The following PIGF variants were observed in gnomAD, a reference collection of about 807,000 sequenced individuals.
PIGF encodes the protein phosphatidylinositol glycan anchor biosynthesis class F, also known as GPI ethanolamine phosphate transferase, stabilizing subunit.
PIGF carries 23 observed loss-of-function variants against 26.0 expected under a neutral mutation model. That is an observed-to-expected ratio of 0.88 (90% CI 0.64 to 1.25). PIGF has a LOEUF of 1.25. Among genes scored for constraint, PIGF ranks in the 50% most tolerant of loss-of-function variants. The probability of loss-of-function intolerance (pLI) is 0.00; values close to 1 mark genes in which losing one functional copy is unlikely to be tolerated. For synonymous variants in PIGF, 93 were observed against 92.6 expected (o/e 1.00, Z -0.03); for missense variants, 278 against 249.9 (o/e 1.11, Z -0.76).
At chr2:46,592,360 T>C in intron 5 of PIGF, 115 bp downstream of exon 5, 1 of 647,048 alleles carries the variant, frequency 1.5e-6, no homozygotes, top group South Asian at 1.8e-5. Flanking sequence ...ATAGAAGTGG[T>C]ATCCCTACTT....
chr2:46,581,323 C>T lies in PIGF; in HGVS notation c.*155G>A. On this transcript the variant is annotated 3_prime_UTR_variant, in exon 6 of 6. Coordinates refer to ENST00000281382, the MANE Select transcript of PIGF (RefSeq NM_002643.4). The stretch of plus-strand genomic sequence containing the variant: ...CTTTATTTCAACTAGAAGGTACAAT[C>T]TCTCAGGGGTTTCATAGTTTAAAAA... 1 of 1,157,684 alleles carries T rather than the reference C, an allele frequency of 8.6e-7. No homozygotes were observed. Among genetic ancestry groups the T allele is most frequent in the Non-Finnish European group, 1.2e-6 (1 of 833,588 alleles). The allele number at this position is 1,157,684 out of a possible 1,614,324, so 71.7% of individuals were successfully genotyped here.
At chr2:46,596,899 A>C (rs934950175) in intron 4 of PIGF, among the ~76,000 whole-genome samples, 3 of 152,228 alleles carry the variant, frequency 2.0e-5, no homozygotes, top group Non-Finnish European at 4.4e-5. Flanking sequence ...CACACAGTAA[A>C]CCACAATTAT....
At chr2:46,594,155 A>C (rs1405281879) in intron 4 of PIGF, among the ~76,000 whole-genome samples, 5 of 152,230 alleles carry the variant, frequency 3.3e-5, no homozygotes, top group African/African-American at 1.2e-4. Flanking sequence ...GGCCAAGTTC[A>C]ATGTAAAGGG....
chr2:46,582,131 C>T (rs1432731345), intron 5 of PIGF: 1 of 153,744 alleles, frequency 6.5e-6, no homozygotes, highest in African/African-American at 2.4e-5. Context: ...TATAGAGCGA[C>T]AACTTATATA....
chr2:46,597,903 C>T (rs1208447535), intron 4 of PIGF, among the ~76,000 whole-genome samples: 1 of 152,134 alleles, frequency 6.6e-6, no homozygotes, highest in Non-Finnish European at 1.5e-5. Context: ...TTTTCATCCA[C>T]TATGCTGAAA....
At position 46,588,241 on chromosome 2, in the gene PIGF, A is replaced by G. The variant is rs1669636904; in HGVS notation, c.546+4234T>C. The G allele has an allele frequency of 6.3e-7, 1 of 1,592,542 alleles. No homozygotes were observed. The highest frequency in any genetic ancestry group is 1.4e-5 in the African/African-American group (1 of 73,856). On this transcript the variant is annotated intron_variant, in intron 5 of 5. Transcript: ENST00000281382. This position sits in a 1 kb window ranked among gnomAD's most constrained non-coding sequence, Gnocchi z 4.1. ...CCAAATACCCTAAATTGGCATAACT[A>G]AATACCAGAGAAATAGATAAATTAA...
At chr2:46,608,313 A>T (rs1670288223) in intron 4 of PIGF, among the ~76,000 whole-genome samples, 1 of 152,156 alleles carries the variant, frequency 6.6e-6, no homozygotes, top group Non-Finnish European at 1.5e-5. Context: ...TTTTATCATA[A>T]TGTTGCAGCA....
At chr2:46,610,709 T>C (rs1670384635) in intron 4 of PIGF, among the ~76,000 whole-genome samples, 1 of 152,024 alleles carries the variant, frequency 6.6e-6, no homozygotes, top group Non-Finnish European at 1.5e-5. Context: ...TTTGTATTTT[T>C]AGTAGAGATG....
chr2:46,585,289 G>A (rs1305249818), intron 5 of PIGF, among the ~76,000 whole-genome samples: 1 of 152,012 alleles, frequency 6.6e-6, no homozygotes, highest in Non-Finnish European at 1.5e-5. Context: ...GCCAGCCTGG[G>A]CAAGATAGTG....
intron 5 of PIGF, 96 bp downstream of exon 5, chr2:46,592,379 A>G (rs927027343): frequency 5.7e-6 from 4 of 702,760 alleles, no homozygotes; most frequent in Non-Finnish European, 1.0e-5. Context: ...TTAATTGAAC[A>G]ACAAAACAAT....
At chr2:46,610,699 T>C (rs1377681879) in intron 4 of PIGF, among the ~76,000 whole-genome samples, 1 of 151,930 alleles carries the variant, frequency 6.6e-6, no homozygotes, top group Non-Finnish European at 1.5e-5. Context: ...CCAGCTAATT[T>C]TTGTATTTTT....
Position 46,592,481 on chromosome 2 carries a change from TG to T in PIGF, c.539del (p.Pro180HisfsTer54). On this transcript the variant is annotated frameshift_variant, in exon 5 of 6. Coordinates refer to ENST00000281382, the MANE Select transcript of PIGF (RefSeq NM_002643.4). LOFTEE classifies it high-confidence loss of function. The part of the protein sequence containing the change: ...ALPIPLDWER[P>X]WQVWPISCTL... ...TTAAGTAACTGAAACCAACCTGCCA[TG>T]GTCTTTCCCAATCCAGTGGAATAGG... 1 of 1,567,696 alleles carries T rather than the reference TG, an allele frequency of 6.4e-7. No individual in the cohort carries two copies.
At chr2:46,602,328 T>C (rs547411330) in intron 4 of PIGF, among the ~76,000 whole-genome samples, 2 of 152,066 alleles carry the variant, frequency 1.3e-5, no homozygotes, top group African/African-American at 4.8e-5. Context: ...TCCTATACAG[T>C]TCACAAGCTC....
intron 2 of PIGF, 183 bp from the exon 3 acceptor site, chr2:46,613,968 A>T (rs1186350520): frequency 3.9e-6 from 2 of 516,574 alleles, no homozygotes; most frequent in African/African-American, 4.0e-5. Context: ...ATACAGACTA[A>T]AAAAGCCTAA....
chr2:46,585,317 T>C (rs1669535267), intron 5 of PIGF, among the ~76,000 whole-genome samples: 1 of 152,240 alleles, frequency 6.6e-6, no homozygotes, highest in Non-Finnish European at 1.5e-5. Context: ...TTTATAAATT[T>C]ACATTTTTTT....
intron 5 of PIGF, chr2:46,591,372 A>C (rs1263092401): frequency 8.6e-6 from 2 of 231,986 alleles, no homozygotes; most frequent in Non-Finnish European, 1.4e-5. Flanking sequence ...GTGGTTGGGG[A>C]GGAAAGTAAT....
At chr2:46,592,608 G>A (rs114561978) in intron 4 of PIGF, 25 bp from the exon 5 acceptor site, 94 of 1,187,194 alleles carry the variant, frequency 7.9e-5, no homozygotes, top group Non-Finnish European at 1.1e-4. Flanking sequence ...TTGGTACATC[G>A]TTGGTGGTAT....
At chr2:46,596,212 CAAAAA>C (rs544010392) in intron 4 of PIGF, among the ~76,000 whole-genome samples, 1 of 102,866 alleles carries the variant, frequency 9.7e-6, no homozygotes. Context: ...GACCCCATCT[CAAAAA>C]AAAAAAAAAA....
At chr2:46,585,545 G>T (rs1039445209) in intron 5 of PIGF, among the ~76,000 whole-genome samples, 1 of 152,106 alleles carries the variant, frequency 6.6e-6, no homozygotes, top group African/African-American at 2.4e-5. Context: ...AAAATGCAGG[G>T]CTGAAGTAAT....
Sources: gnomAD v4.1 joint callset for allele counts (sites outside exome capture counted in the v4.1 genomes callset) on GRCh38, gnomAD v4.1.1 for gene constraint, Gnocchi (gnomAD v3.1) non-coding constraint, MANE v1.5 for transcripts, NCBI Gene and HGNC (gene_info 2026-07-23, HGNC 2026-07-21) for gene names.